Variants in WWC1 observed in about 807,000 individuals in gnomAD.
WWC1 encodes WW and C2 domain containing 1, also known as protein KIBRA.
Under a neutral mutation model 138.4 loss-of-function variants are expected in WWC1, and 55 were observed. The observed-to-expected ratio is 0.40, with a 90% CI of 0.32 to 0.50. The LOEUF is 0.50. Ranked by LOEUF, WWC1 falls within the 20% of genes least tolerant of loss-of-function variation. The probability of loss-of-function intolerance (pLI) is 0.72; values close to 1 mark genes in which losing one functional copy is unlikely to be tolerated. For synonymous variants in WWC1, 524 were observed against 564.9 expected, an observed-to-expected ratio of 0.93 and a Z score of 1.03; for missense variants, 1,226 against 1,420.4, an observed-to-expected ratio of 0.86 and a Z score of 2.20.
chr5:168,410,473 A>G (rs1780139375), intron 8 of WWC1, among the ~76,000 whole-genome samples: 1 of 152,264 alleles, frequency 6.6e-6, no homozygotes, highest in Admixed American at 6.5e-5. Context: ...ATCCTAAGCA[A>G]TCAGGTTCCA....
chr5:168,425,989 C>T (rs1781472965), intron 11 of WWC1, among the ~76,000 whole-genome samples: 1 of 152,258 alleles, frequency 6.6e-6, no homozygotes, highest in Admixed American at 6.5e-5. Context: ...CCAGGTGAGG[C>T]CAGCTAGAAG....
intron 15 of WWC1, among the ~76,000 whole-genome samples, chr5:168,437,867 A>G (rs2152866598): frequency 6.6e-6 from 1 of 152,286 alleles, no homozygotes; most frequent in East Asian, 1.9e-4. Flanking sequence ...ATAGCTGTCT[A>G]TCCCCCTAGG....
chr5:168,312,928 C>G (rs1426058580), intron 1 of WWC1, among the ~76,000 whole-genome samples: 2 of 151,624 alleles, frequency 1.3e-5, no homozygotes, highest in Non-Finnish European at 2.9e-5. Flanking sequence ...CCTGTCTCAG[C>G]CTCTCGAGTA....
chr5:168,413,363 C>T (rs890228777), intron 8 of WWC1, among the ~76,000 whole-genome samples: 47 of 152,166 alleles, frequency 3.1e-4, no homozygotes, highest in African/African-American at 1.1e-3. Flanking sequence ...TACTGTGGAT[C>T]TTATTTTGGC....
At chr5:168,436,839 G>A (rs4976609) in intron 15 of WWC1, among the ~76,000 whole-genome samples, 59,181 of 151,802 alleles carry the variant, frequency 0.39, 11,782 homozygotes, top group East Asian at 0.61. Context: ...TTGGTTTCCC[G>A]GCTTCTGTCC....
intron 1 of WWC1, among the ~76,000 whole-genome samples, chr5:168,315,749 T>C (rs1581897860): frequency 6.6e-6 from 1 of 151,924 alleles, no homozygotes; most frequent in Non-Finnish European, 1.5e-5. Context: ...AGAGTAGGGG[T>C]GACGAATGGT....
In WWC1 at chr5:168,465,700, G is replaced by C. The variant is rs545564817; in HGVS notation, c.3150+738G>C. 1.8e-4 allele frequency among the ~76,000 whole-genome samples: 27 copies of C among 151,656 alleles called. 1 individual carries two copies. Among genetic ancestry groups the C allele is most frequent in the Middle Eastern group, 3.4e-3 (1 of 294 alleles). ...AGCCTCCTGAGTAACTGTGTTGACAGGTGCATACCAATATGCCCGGCTAAT... is the reference window on the plus strand; with the variant it reads ...AGCCTCCTGAGTAACTGTGTTGACACGTGCATACCAATATGCCCGGCTAAT... On this transcript the variant is annotated intron_variant, in intron 21 of 22. Transcript: ENST00000265293.
At chr5:168,396,292 A>G (rs996640794) in intron 3 of WWC1, among the ~76,000 whole-genome samples, 3 of 152,236 alleles carry the variant, frequency 2.0e-5, no homozygotes, top group Non-Finnish European at 4.4e-5. Context: ...CTGAGACAGG[A>G]GAACAGCTTG....
At chr5:168,340,005 CTT>C (rs1561631179) in intron 1 of WWC1, among the ~76,000 whole-genome samples, 1 of 96,602 alleles carries the variant, frequency 1.0e-5, no homozygotes, top group African/African-American at 3.3e-5. Flanking sequence ...CTCTTTCTCT[CTT>C]TCTTTCTTTT....
chr5:168,457,704 G>A (rs868068478), intron 19 of WWC1, among the ~76,000 whole-genome samples: 5 of 152,180 alleles, frequency 3.3e-5, no homozygotes, highest in African/African-American at 1.2e-4. Flanking sequence ...CACCTTCACC[G>A]ATGCTGCCAC....
intron 1 of WWC1, among the ~76,000 whole-genome samples, chr5:168,367,533 G>GTGTTAGCTAGGA (rs56106034): frequency 1.4e-5 from 2 of 144,136 alleles, no homozygotes; most frequent in African/African-American, 5.1e-5. Flanking sequence ...GGGTTTCACC[G>GTGTTAGCTAGGA]TGGTCTCGAT....
intron 1 of WWC1, among the ~76,000 whole-genome samples, chr5:168,362,615 G>A (rs1775963400): frequency 6.6e-6 from 1 of 152,206 alleles, no homozygotes; most frequent in Admixed American, 6.5e-5. Context: ...GTTGTCCGTT[G>A]GCTTTACCTA....
At chr5:168,466,056 C>A (rs1018108173) in intron 21 of WWC1, among the ~76,000 whole-genome samples, 7 of 152,300 alleles carry the variant, frequency 4.6e-5, no homozygotes, top group East Asian at 3.9e-4. Flanking sequence ...CAAAGCACAG[C>A]AGCAGCTTGG....
At chr5:168,368,090 CTTT>C (rs59582303) in intron 1 of WWC1, among the ~76,000 whole-genome samples, 1 of 129,670 alleles carries the variant, frequency 7.7e-6, no homozygotes. Context: ...AACACTTCAT[CTTT>C]TTTTTTTTTT....
At chr5:168,318,711 T>C (rs553535115) in intron 1 of WWC1, among the ~76,000 whole-genome samples, 12 of 151,980 alleles carry the variant, frequency 7.9e-5, no homozygotes, top group Admixed American at 2.0e-4. Flanking sequence ...AGGCACCTGC[T>C]ACCACACCTG....
chr5:168,381,367 A>G (rs1439023539), intron 2 of WWC1, among the ~76,000 whole-genome samples: 1 of 152,132 alleles, frequency 6.6e-6, no homozygotes, highest in Non-Finnish European at 1.5e-5. Context: ...AGGGAACTGG[A>G]CACGGGCCCA....
chr5:168,402,150 C>A (rs1427524135), intron 5 of WWC1, among the ~76,000 whole-genome samples: 11 of 152,214 alleles, frequency 7.2e-5, no homozygotes, highest in Admixed American at 7.2e-4. Flanking sequence ...GACAAGCCTC[C>A]TTTCTTCCCC....
intron 1 of WWC1, among the ~76,000 whole-genome samples, chr5:168,358,069 G>A (rs1477717549): frequency 1.3e-5 from 2 of 152,192 alleles, no homozygotes; most frequent in Non-Finnish European, 2.9e-5. Context: ...CTTGCATGTG[G>A]TGGGCCATGC....
At chr5:168,371,304 G>A (rs1776735316) in intron 1 of WWC1, 120 bp from the exon 2 acceptor site, 1 of 660,718 alleles carries the variant, frequency 1.5e-6, no homozygotes, top group Non-Finnish European at 2.7e-6. Flanking sequence ...TGCTGCTGTG[G>A]TGTAAAACTT....
Sources: gnomAD v4.1 joint callset for allele counts (sites outside exome capture counted in the v4.1 genomes callset) on GRCh38, gnomAD v4.1.1 for gene constraint, MANE v1.5 for transcripts, NCBI Gene and HGNC (gene_info 2026-07-23, HGNC 2026-07-21) for gene names.